Variants in ADCY7 observed in about 807,000 individuals in gnomAD.
ADCY7 encodes adenylate cyclase 7, also known as adenylate cyclase type 7.
Under a neutral mutation model 120.6 loss-of-function variants are expected in ADCY7, and 72 were observed. That is an observed-to-expected ratio of 0.60 (90% CI 0.49 to 0.73). The LOEUF (loss-of-function observed/expected upper bound fraction) is 0.73. Among genes scored for constraint, ADCY7 ranks in the 30% least tolerant of loss-of-function variants. ADCY7 has a pLI of 0.00. For synonymous variants in ADCY7, 661 were observed against 628.0 expected (o/e 1.05, Z -0.78); for missense variants, 1,227 against 1,486.0 (o/e 0.83, Z 2.87).
At chr16:50,246,132 G>T (rs1181775098), upstream of ADCY7, 1 of 149,622 alleles carries the variant, frequency 6.7e-6, no homozygotes, top group Non-Finnish European at 1.5e-5. Context: ...CCCCGCCCGC[G>T]GTGAGTGCCG....
chr16:50,268,437 G>C (rs1239061809), intron 1 of ADCY7, among the ~76,000 whole-genome samples: 1 of 152,048 alleles, frequency 6.6e-6, no homozygotes, highest in Non-Finnish European at 1.5e-5. Context: ...ATCTCACTCT[G>C]TCACCCATGC....
chr16:50,308,470 GGAGCCCTCCCTGGT>G, intron 16 of ADCY7, 59 bp downstream of exon 16: 1 of 1,608,224 alleles, frequency 6.2e-7, no homozygotes, highest in Non-Finnish European at 8.5e-7. Flanking sequence ...CACCTGCCTA[GGAGCCCTCCCTGGT>G]GAGCTTGGCT....
chr16:50,295,169 C>G (rs952575704), intron 7 of ADCY7, among the ~76,000 whole-genome samples: 4 of 151,958 alleles, frequency 2.6e-5, no homozygotes, highest in African/African-American at 9.7e-5. Flanking sequence ...GCACATTAAA[C>G]TTTTACGTTT....
chr16:50,305,693 T>C (rs1271211571), intron 13 of ADCY7, 84 bp from the exon 14 acceptor site: 1 of 1,498,830 alleles, frequency 6.7e-7, no homozygotes, highest in East Asian at 2.3e-5. Context: ...CCCAGCCTTG[T>C]TCCTTCCCCC....
intron 1 of ADCY7, among the ~76,000 whole-genome samples, chr16:50,251,003 G>C (rs62028300): frequency 1.3e-5 from 2 of 151,944 alleles, no homozygotes; most frequent in South Asian, 4.1e-4. Flanking sequence ...GGGAGGCCAA[G>C]GTAGGAGGAA....
upstream of ADCY7, among the ~76,000 whole-genome samples, chr16:50,266,140 C>A (rs181843551): frequency 9.1e-4 from 138 of 152,174 alleles, no homozygotes; most frequent in African/African-American, 3.1e-3. Context: ...CACCTTACTA[C>A]ATAGATAGGG....
chr16:50,260,570 C>T (rs1401501870), intron 1 of ADCY7, among the ~76,000 whole-genome samples: 1 of 152,164 alleles, frequency 6.6e-6, no homozygotes, highest in Non-Finnish European at 1.5e-5. Flanking sequence ...CCAATTACCT[C>T]ATAATTTCTG....
intron 1 of ADCY7, among the ~76,000 whole-genome samples, chr16:50,281,837 G>T (rs1346757827): frequency 3.3e-5 from 5 of 152,230 alleles, no homozygotes; most frequent in African/African-American, 1.2e-4. Flanking sequence ...CAGAGCAGCT[G>T]CTGGCTTCAT....
Position 50,312,907 on chromosome 16 carries a change from CTA to C in ADCY7, c.2624_2625del (p.Tyr875Ter), listed in dbSNP as rs1400448914. ...CCATCCAGGACTGGTACCATCAGTC[CTA>C]TGACTGCGTCTGTGTCATGTTTGCC... is the stretch of plus-strand genomic sequence containing the variant. ...KLNEDWYHQS[Y>X]DCVCVMFASV... On this transcript the variant is annotated frameshift_variant, in exon 22 of 26. Coordinates refer to ENST00000673801, the MANE Select transcript of ADCY7 (RefSeq NM_001114.5). LOFTEE classifies it high-confidence loss of function. The C allele has an allele frequency of 1.9e-5, 30 of 1,614,082 alleles. No homozygotes were observed. The highest frequency in any genetic ancestry group is 2.4e-5 in the Non-Finnish European group (28 of 1,180,042).
At chr16:50,308,884 G>A in intron 17 of ADCY7, 92 bp downstream of exon 17, 2 of 1,462,094 alleles carry the variant, frequency 1.4e-6, no homozygotes, top group East Asian at 2.4e-5. Flanking sequence ...GCTGCCTCTG[G>A]TTGTCCTCTC....
In ADCY7 at chr16:50,293,480, G is replaced by A. The variant is rs199730202; in HGVS notation, c.814G>A (p.Val272Ile). 1.5e-4 allele frequency: 249 copies of A among 1,613,864 alleles called. No individual in the cohort carries two copies. Among genetic ancestry groups the A allele is most frequent in the Non-Finnish European group, 1.9e-4 (221 of 1,180,010 alleles). Reference sequence around the variant, plus strand: ...TGACAACAACTTCCACAGCCTCTACGTCAAGAGGCACCAGAATGTCAGGTG... The same window carrying A: ...TGACAACAACTTCCACAGCCTCTACATCAAGAGGCACCAGAATGTCAGGTG... ...MPDNNFHSLY[V>I]KRHQNVSILY... The change falls in exon 6 of 26, where the codon GTC becomes ATC. Residue 272 changes from valine (V) to isoleucine (I), a missense_variant. Coordinates refer to ENST00000673801, the MANE Select transcript of ADCY7 (RefSeq NM_001114.5).
rs1055119523 is a variant in ADCY7 at position 50,317,623 on chromosome 16, A to G, written c.*2118A>G. ...CACTGTGCTGTGCTCAGATAATAAT[A>G]GTTTGTAAGTAAAAGTTTTTAGTTT... On this transcript the variant is annotated 3_prime_UTR_variant, in exon 26 of 26. Transcript: ENST00000673801. 1 of 152,390 alleles carries G rather than the reference A, an allele frequency of 6.6e-6. No individual in the cohort carries two copies. Among genetic ancestry groups the G allele is most frequent in the East Asian group, 1.9e-4 (1 of 5,338 alleles). The allele number at this position is 152,390 out of a possible 1,614,324, so 9.4% of individuals were successfully genotyped here.
rs560595716 is a variant in ADCY7 at position 50,299,986 on chromosome 16, G to A, written c.1077-729G>A. On this transcript the variant is annotated intron_variant, in intron 8 of 25. Transcript: ENST00000673801. The stretch of plus-strand genomic sequence containing the variant: ...GCCCCTGCTTCCCAGGGATTGGGGG[G>A]GCATAGAAGGTGCCCATGGTCTGGG... 1.4e-3 allele frequency among the ~76,000 whole-genome samples: 218 copies of A among 152,302 alleles called. 1 individual carries two copies. The highest frequency in any genetic ancestry group is 4.9e-3 in the African/African-American group (205 of 41,554).
At chr16:50,260,523 G>A (rs2033031468) in intron 1 of ADCY7, among the ~76,000 whole-genome samples, 1 of 152,166 alleles carries the variant, frequency 6.6e-6, no homozygotes, top group African/African-American at 2.4e-5. Flanking sequence ...CCACAGAGAG[G>A]TTGTATTTGT....
chr16:50,292,864 G>T, intron 5 of ADCY7, 39 bp downstream of exon 5: 1 of 1,599,050 alleles, frequency 6.3e-7, no homozygotes, highest in Non-Finnish European at 8.5e-7. Flanking sequence ...GTACACCCCT[G>T]TCCTCTTCCT....
intron 3 of ADCY7, among the ~76,000 whole-genome samples, 184 bp from the exon 4 acceptor site, chr16:50,291,552 C>A (rs561758978): frequency 6.6e-6 from 1 of 152,300 alleles, no homozygotes; most frequent in Admixed American, 6.5e-5. Context: ...ACCTTGTGGC[C>A]GGGCCCACCC....
intron 5 of ADCY7, 143 bp from the exon 6 acceptor site, chr16:50,293,211 C>T (rs1268892889): frequency 4.5e-6 from 4 of 897,940 alleles, no homozygotes; most frequent in Non-Finnish European, 6.8e-6. Context: ...GAGATGGGGA[C>T]ATTGTGGGCA....
chr16:50,294,332 G>A (rs772852243), intron 6 of ADCY7, among the ~76,000 whole-genome samples: 2 of 152,202 alleles, frequency 1.3e-5, no homozygotes, highest in Non-Finnish European at 2.9e-5. Flanking sequence ...GATGGGAAAG[G>A]GGAAGGCTCC....
intron 1 of ADCY7, among the ~76,000 whole-genome samples, chr16:50,256,366 C>G (rs2032918608): frequency 6.6e-6 from 1 of 152,108 alleles, no homozygotes; most frequent in African/African-American, 2.4e-5. Context: ...ATTAAAACCA[C>G]AGTGAGGTAT....
Sources: gnomAD v4.1 joint callset for allele counts (sites outside exome capture counted in the v4.1 genomes callset) on GRCh38, gnomAD v4.1.1 for gene constraint, MANE v1.5 for transcripts, NCBI Gene and HGNC (gene_info 2026-07-23, HGNC 2026-07-21) for gene names.